Variants in CFAP70 observed in about 807,000 individuals in gnomAD.
The protein encoded by CFAP70 is cilia- and flagella-associated protein 70.
Under a neutral mutation model 137.6 loss-of-function variants are expected in CFAP70, and 81 were observed. The observed-to-expected ratio is 0.59, with a 90% CI of 0.49 to 0.71. The LOEUF (loss-of-function observed/expected upper bound fraction) is 0.71, where lower values mean the gene tolerates loss of function less well. CFAP70 is among the 30% of genes least tolerant of loss of function. The pLI is 0.00. For synonymous variants in CFAP70, 382 were observed against 423.6 expected (o/e 0.90, Z 1.20); for missense variants, 976 against 1,226.7 (o/e 0.80, Z 3.05).
intron 25 of CFAP70, among the ~76,000 whole-genome samples, chr10:73,267,799 A>T (rs1312994275): frequency 6.6e-6 from 1 of 152,194 alleles, no homozygotes; most frequent in Non-Finnish European, 1.5e-5. Context: ...TGTACTCCCA[A>T]GCTTATTCAG....
intron 5 of CFAP70, among the ~76,000 whole-genome samples, chr10:73,343,845 A>G (rs1170932518): frequency 6.6e-6 from 1 of 152,212 alleles, no homozygotes; most frequent in Non-Finnish European, 1.5e-5. Flanking sequence ...CTATTAAAAA[A>G]CTTTTGTGTA....
At chr10:73,263,365 G>C (rs1177187576) in intron 25 of CFAP70, among the ~76,000 whole-genome samples, 8 of 152,178 alleles carry the variant, frequency 5.3e-5, no homozygotes, top group Non-Finnish European at 1.0e-4. Context: ...TTACAGGCAT[G>C]AGCCACCACG....
At chr10:73,291,314 A>G in exon 19 of CFAP70, 2 of 1,614,130 alleles carry the variant, frequency 1.2e-6, no homozygotes, top group African/African-American at 2.7e-5. Context: ...CTCTTTCCTC[A>G]GTGTCTTCTA....
At chr10:73,304,273 C>T (rs969709020) in intron 12 of CFAP70, among the ~76,000 whole-genome samples, 8 of 152,184 alleles carry the variant, frequency 5.3e-5, no homozygotes, top group African/African-American at 1.2e-4. Context: ...AGGCTGGTGT[C>T]GAACTCCTGA....
At chr10:73,299,570 A>G in intron 13 of CFAP70, 35 bp downstream of exon 14, 1 of 1,581,684 alleles carries the variant, frequency 6.3e-7, no homozygotes, top group South Asian at 1.1e-5. Flanking sequence ...TCAATATCTT[A>G]TTACTTATCA....
Position 73,335,507 on chromosome 10 carries a change from A to T in CFAP70, c.600T>A (p.Asn200Lys), listed in dbSNP as rs371772511. Residue 200 changes from asparagine (N) to lysine (K), a missense_variant, in exon 7 of 27, where the codon AAT becomes AAA. By Grantham distance (94) the Asn-to-Lys change is moderately conservative (BLOSUM62 0). Coordinates refer to ENST00000310715, the Ensembl canonical transcript of CFAP70. ...TCCTTTTCTTTATGCACTCTGCTTG[A>T]TTCCTAAATTCGCTGTCCTGTAAAA... is the stretch of plus-strand genomic sequence containing the variant. 1.4e-5 allele frequency: 23 copies of T among 1,611,252 alleles called. No individual in the cohort carries two copies. In the African/African-American group the frequency reaches 2.1e-4, roughly 15 times the overall value.
At chr10:73,284,803 T>A (rs553623561) in intron 19 of CFAP70, among the ~76,000 whole-genome samples, 97 of 94,674 alleles carry the variant, frequency 1.0e-3, no homozygotes, top group Middle Eastern at 5.4e-3. Flanking sequence ...TATATATATA[T>A]AAAAGTTGTT....
chr10:73,278,124 C>T (rs2046931555), intron 20 of CFAP70, 55 bp downstream of exon 21: 1 of 1,562,620 alleles, frequency 6.4e-7, no homozygotes, highest in Non-Finnish European at 8.8e-7. Flanking sequence ...TAAGAGTCTT[C>T]ATCCTTGTCT....
At chr10:73,340,854 G>A (rs1449939670) in intron 6 of CFAP70, among the ~76,000 whole-genome samples, 1 of 152,226 alleles carries the variant, frequency 6.6e-6, no homozygotes, top group Non-Finnish European at 1.5e-5. Flanking sequence ...AGCCTGTGGG[G>A]GCAGGAGGGC....
At chr10:73,332,325 C>T (rs2052192565) in intron 7 of CFAP70, among the ~76,000 whole-genome samples, 2 of 152,124 alleles carry the variant, frequency 1.3e-5, no homozygotes, top group South Asian at 4.1e-4. Context: ...AAGAAAAATA[C>T]CCTCATATTT....
intron 23 of CFAP70, among the ~76,000 whole-genome samples, chr10:73,273,609 C>G (rs1388457699): frequency 3.9e-5 from 6 of 152,302 alleles, no homozygotes; most frequent in Admixed American, 1.3e-4. Context: ...CCTAAGTCAG[C>G]AGTGCTCTGA....
intron 16 of CFAP70, among the ~76,000 whole-genome samples, chr10:73,292,242 T>C (rs2048230719): frequency 6.6e-6 from 1 of 152,204 alleles, no homozygotes; most frequent in Non-Finnish European, 1.5e-5. Flanking sequence ...ATCAAGCTAT[T>C]TGTTCCTAGT....
intron 11 of CFAP70, among the ~76,000 whole-genome samples, chr10:73,311,439 A>G (rs1028097826): frequency 1.3e-5 from 2 of 152,164 alleles, no homozygotes; most frequent in Admixed American, 1.3e-4. Flanking sequence ...CAGAACTTTT[A>G]TTTGTACCTC....
intron 9 of CFAP70, among the ~76,000 whole-genome samples, chr10:73,314,112 T>C (rs1030436353): frequency 6.6e-6 from 1 of 152,144 alleles, no homozygotes; most frequent in African/African-American, 2.4e-5. Flanking sequence ...TAATTTATGT[T>C]GAATGAAAAG....
chr10:73,317,743 T>A (rs775083999), intron 9 of CFAP70, among the ~76,000 whole-genome samples: 5 of 152,054 alleles, frequency 3.3e-5, no homozygotes, highest in Non-Finnish European at 5.9e-5. Context: ...AGAAATCTCA[T>A]GTTAAAATGT....
intron 25 of CFAP70, among the ~76,000 whole-genome samples, chr10:73,261,904 A>G (rs2045245498): frequency 6.6e-6 from 1 of 151,166 alleles, no homozygotes; most frequent in Admixed American, 6.6e-5. Flanking sequence ...ATAATTTCAG[A>G]TTAAATAAAA....
intron 4 of CFAP70, among the ~76,000 whole-genome samples, chr10:73,346,472 C>T (rs1051430871): frequency 1.2e-4 from 18 of 151,788 alleles, no homozygotes; most frequent in African/African-American, 4.1e-4. Context: ...CCCATCTCTA[C>T]TAAAAGAGAA....
chr10:73,310,365 T>A, intron 11 of CFAP70, 116 bp from the exon 13 acceptor site: 3 of 579,448 alleles, frequency 5.2e-6, no homozygotes, highest in Non-Finnish European at 8.9e-6. Context: ...TATAACTACA[T>A]ATACAGTGTG....
intron 12 of CFAP70, 44 bp downstream of exon 13, chr10:73,310,114 T>C (rs11000598): frequency 0.086 from 111,873 of 1,303,154 alleles, 7,418 homozygotes; most frequent in East Asian, 0.29. Flanking sequence ...CTCTTATTTA[T>C]ACCCAAATTG....
Sources: gnomAD v4.1 joint callset for allele counts (sites outside exome capture counted in the v4.1 genomes callset) on GRCh38, gnomAD v4.1.1 for gene constraint, MANE v1.5 for transcripts, NCBI Gene and HGNC (gene_info 2026-07-23, HGNC 2026-07-21) for gene names.